The following ABCC10 variants were observed in gnomAD, a reference collection of about 807,000 sequenced individuals.
ABCC10 encodes ATP-binding cassette sub-family C member 10.
ABCC10 carries 110 observed loss-of-function variants against 143.2 expected under a neutral mutation model. The observed-to-expected ratio is 0.77, with a 90% CI of 0.66 to 0.90. The LOEUF is 0.90. Among genes scored for constraint, ABCC10 ranks in the 40% least tolerant of loss-of-function variants. ABCC10 has a pLI of 0.00. For synonymous variants in ABCC10, 805 were observed against 846.7 expected (o/e 0.95, Z 0.85); for missense variants, 1,700 against 1,900.5 (o/e 0.89, Z 1.96).
chr6:43,443,837 C>T lies in ABCC10; in HGVS notation c.2417-96C>T. 1.6e-6 allele frequency: 2 copies of T among 1,282,008 alleles called. No individual in the cohort carries two copies. The highest frequency in any genetic ancestry group is 2.0e-4 in the Middle Eastern group (1 of 4,982). 79.4% of individuals were successfully genotyped at this position (1,282,008 alleles called of 1,614,324 possible). A position where few individuals can be genotyped will look rare whatever the true frequency, so the allele number is the denominator to read the frequency against. On this transcript the variant is annotated intron_variant, in intron 10 of 21. Transcript: ENST00000372530. This position sits in a 1 kb window ranked among gnomAD's most constrained non-coding sequence, Gnocchi z 4.2. ...TGCTAGGGTGGGTTAGACGGGGAGG[C>T]CTGAGAGGATGAGAGGTGGGATCTG...
intron 18 of ABCC10, among the ~76,000 whole-genome samples, 172 bp from the exon 19 acceptor site, chr6:43,448,709 A>G (rs1783409533): frequency 6.6e-6 from 1 of 152,052 alleles, no homozygotes. Flanking sequence ...AGTTCTAGGT[A>G]CCCAGCTACT....
chr6:43,445,474 G>A, intron 14 of ABCC10, 125 bp from the exon 15 acceptor site: 1 of 1,360,920 alleles, frequency 7.3e-7, no homozygotes, highest in Non-Finnish European at 1.0e-6. Flanking sequence ...CAAATTCTGG[G>A]GATATTTTAG....
In ABCC10 at chr6:43,443,180, G is replaced by C. The variant is rs773544158; in HGVS notation, c.2416+21G>C. ...GGCTGGTAATGGGGGCAGGAGCCCC[G>C]TGTGAGGGAGGTGTCTGCCCAGGTC... is the stretch of plus-strand genomic sequence containing the variant. On this transcript the variant is annotated intron_variant, in intron 10 of 21. Coordinates refer to ENST00000372530, the MANE Select transcript of ABCC10 (RefSeq NM_001198934.2). This position sits in a 1 kb window ranked among gnomAD's most constrained non-coding sequence, Gnocchi z 4.2. 1.3e-6 allele frequency: 2 copies of C among 1,564,614 alleles called. No individual in the cohort carries two copies. The highest frequency in any genetic ancestry group is 3.7e-5 in the Admixed American group (2 of 54,280).
rs753015281 is a variant in ABCC10 at position 43,444,905 on chromosome 6, C to T, written c.2807C>T (p.Pro936Leu). 2.2e-5 allele frequency: 36 copies of T among 1,613,688 alleles called. No homozygotes were observed. Among genetic ancestry groups the T allele is most frequent in the Admixed American group, 6.7e-5 (4 of 59,938 alleles). Residue 936 changes from proline to leucine, a missense_variant, in exon 13 of 22, where the codon CCG (proline) becomes CTG (leucine). Transcript: ENST00000372530. ...TSPASMGLFS[P>L]QLLLFSPGNL... ...CCAGCTTCTATGGGGCTCTTCTCTC[C>T]GCAGCTGCTCCTCTTTTCCCCTGGA...
chr6:43,431,864 A>T (rs899919218), intron 2 of ABCC10: 13 of 1,253,848 alleles, frequency 1.0e-5, no homozygotes, highest in Non-Finnish European at 1.2e-5. Flanking sequence ...TCTGTGGTTT[A>T]AAAAAAAACA....
intron 1 of ABCC10, 45 bp from the exon 2 acceptor site, chr6:43,427,923 C>G (rs756893160): frequency 1.2e-6 from 2 of 1,601,266 alleles, no homozygotes; most frequent in Admixed American, 3.3e-5. Flanking sequence ...GCAGGCAAAG[C>G]CGGCTGTTAC....
Position 43,433,239 on chromosome 6 carries a change from G to A in ABCC10, c.1259G>A (p.Gly420Asp). The A allele has an allele frequency of 6.2e-7, 1 of 1,614,100 alleles. No homozygotes were observed. The highest frequency in any genetic ancestry group is 1.7e-5 in the Admixed American group (1 of 60,030). The change falls in exon 3 of 22, where the codon GGC becomes GAC. Residue 420 changes from glycine (G) to aspartate (D), a missense_variant. Transcript: ENST00000372530. ...ITLYLLYQQV[G>D]VAFVGGLILA... ...CTCTACCTGCTGTACCAGCAGGTAG[G>A]CGTGGCCTTCGTGGGTGGTCTCATC...
At position 43,444,190 on chromosome 6, in the gene ABCC10, A is replaced by G. The variant is rs1305450393; in HGVS notation, c.2526A>G (p.Lys842=). ...ATAQSVQNPE[K]TKEGLEEEQS... is the part of the protein sequence containing the mutation. Reference sequence around the variant, plus strand: ...CCCAGTCAGTACAGAACCCAGAGAAAACAAAGGAGGGGCTGGAGGAGGAGC... The same window carrying G: ...CCCAGTCAGTACAGAACCCAGAGAAGACAAAGGAGGGGCTGGAGGAGGAGC... Residue 842 remains lysine, a synonymous_variant, in exon 12 of 22, where the codon AAA becomes AAG. Transcript: ENST00000372530. 6.2e-7 allele frequency: 1 copy of G among 1,613,862 alleles called. No individual in the cohort carries two copies. Among genetic ancestry groups the G allele is most frequent in the African/African-American group, 1.3e-5 (1 of 74,934 alleles).
chr6:43,441,831 C>T, intron 8 of ABCC10, 31 bp from the exon 9 acceptor site: 1 of 1,587,718 alleles, frequency 6.3e-7, no homozygotes, highest in Admixed American at 1.7e-5. Context: ...AATGGGAGCT[C>T]CCTGACCCAC....
chr6:43,444,682 G>A (rs1439141139), intron 12 of ABCC10, 106 bp from the exon 13 acceptor site: 9 of 1,466,796 alleles, frequency 6.1e-6, no homozygotes, highest in Admixed American at 2.3e-5. Context: ...CCAGGCGGAT[G>A]GAGATGGGCA....
At chr6:43,431,775 A>G in intron 2 of ABCC10, 1 of 1,076,132 alleles carries the variant, frequency 9.3e-7, no homozygotes, top group Non-Finnish European at 1.1e-6. Flanking sequence ...TCACCAAAGT[A>G]GCAAACGTAG....
Position 43,435,059 on chromosome 6 carries a change from A to T in ABCC10, c.1608+211A>T, listed in dbSNP as rs201491178. 27 of 572,046 alleles carry T rather than the reference A, an allele frequency of 4.7e-5. No homozygotes were observed. The East Asian group carries it at 7.8e-4, about 17-fold the overall frequency. 35.4% of individuals were successfully genotyped at this position (572,046 alleles called of 1,614,324 possible). A position where few individuals can be genotyped will look rare whatever the true frequency, so the allele number is the denominator to read the frequency against. On this transcript the variant is annotated intron_variant, in intron 4 of 21. Transcript: ENST00000372530. ...GGAGTTCCTTTCTTTCCTCTCCTCT[A>T]CCTTTCACTCCAGCTTCTATTCAGT...
At chr6:43,445,411 T>C (rs1782944577) in intron 14 of ABCC10, 97 bp downstream of exon 14, 2 of 1,430,640 alleles carry the variant, frequency 1.4e-6, no homozygotes, top group Non-Finnish European at 1.9e-6. Flanking sequence ...GGAGAGTCTT[T>C]CCTGCCCTGG....
At position 43,450,049 on chromosome 6, in the gene ABCC10, G is replaced by A. The variant is rs759400548; in HGVS notation, c.4437G>A (p.Gln1479=). The A allele has an allele frequency of 1.2e-6, 2 of 1,611,406 alleles. No homozygotes were observed. Among genetic ancestry groups the A allele is most frequent in the Non-Finnish European group, 1.7e-6 (2 of 1,178,784 alleles). The change falls in exon 22 of 22, where the codon CAG becomes CAA. Residue 1479 remains glutamine (Q), a synonymous_variant. Coordinates refer to ENST00000372530, the MANE Select transcript of ABCC10 (RefSeq NM_001198934.2). The surrounding 1 kb of genome is among the most constrained non-coding windows in gnomAD (Gnocchi z 4.5). ...ACTCCCTGTTCCAGCAGCTGCTGCAGAGCAGCCAGCAGGGAGTCCCTGCCT... is the reference window on the plus strand; with the variant it reads ...ACTCCCTGTTCCAGCAGCTGCTGCAAAGCAGCCAGCAGGGAGTCCCTGCCT... ...QPHSLFQQLL[Q]SSQQGVPASL... is the part of the protein sequence containing the mutation.
intron 16 of ABCC10, chr6:43,446,777 C>T (rs911471913): frequency 2.5e-6 from 3 of 1,199,504 alleles, no homozygotes; most frequent in African/African-American, 1.6e-5. Context: ...CAGGCCCACC[C>T]CCTGCCCTGC....
intron 9 of ABCC10, among the ~76,000 whole-genome samples, chr6:43,442,366 G>A (rs1016478653): frequency 1.2e-4 from 19 of 152,240 alleles, no homozygotes; most frequent in Middle Eastern, 3.4e-3. Context: ...TCAGGAGTTC[G>A]AGACCAGCTG....
intron 4 of ABCC10, 110 bp downstream of exon 4, chr6:43,434,958 CTCA>C: frequency 8.6e-7 from 1 of 1,166,436 alleles, no homozygotes; most frequent in East Asian, 2.5e-5. Context: ...CCCTGACTGC[CTCA>C]TCTCTCAACC....
At position 43,449,455 on chromosome 6, in the gene ABCC10, G is replaced by A; in HGVS notation, c.4237G>A (p.Asp1413Asn). 1 of 1,613,932 alleles carries A rather than the reference G, an allele frequency of 6.2e-7. No individual in the cohort carries two copies. The highest frequency in any genetic ancestry group is 8.5e-7 in the Non-Finnish European group (1 of 1,179,916). ...LCIDEATASV[D>N]QKTDQLLQQT... is the part of the protein sequence containing the mutation. ...TATCGATGAGGCCACAGCAAGTGTG[G>A]ACCAGAAGACAGACCAGCTGCTCCA... is the stretch of plus-strand genomic sequence containing the variant. The change falls in exon 21 of 22, where the codon GAC becomes AAC. Residue 1413 changes from aspartate to asparagine, a missense_variant. By Grantham distance (23) the Asp-to-Asn change is conservative. Coordinates refer to ENST00000372530, the MANE Select transcript of ABCC10 (RefSeq NM_001198934.2).
chr6:43,431,302 T>C (rs914776557), intron 2 of ABCC10, among the ~76,000 whole-genome samples: 5 of 152,194 alleles, frequency 3.3e-5, no homozygotes, highest in East Asian at 3.8e-4. Context: ...TACTGTTAGG[T>C]GGATCCTTTT....
Sources: gnomAD v4.1 joint callset for allele counts (sites outside exome capture counted in the v4.1 genomes callset) on GRCh38, gnomAD v4.1.1 for gene constraint, Gnocchi (gnomAD v3.1) non-coding constraint, MANE v1.5 for transcripts, NCBI Gene and HGNC (gene_info 2026-07-23, HGNC 2026-07-21) for gene names.